The following CHLSN variants were observed in gnomAD, a reference collection of about 807,000 sequenced individuals.
CHLSN encodes the protein protein cholesin.
At chr7:1,091,683 T>A in the CHLSN span, 1,113 of 1,348,528 alleles carry the variant, frequency 8.3e-4, no homozygotes, top group Non-Finnish European at 1.0e-3. Flanking sequence ...AAAACAGAGC[T>A]CTGGGAGCCT....
chr7:1,040,997 G>C, the CHLSN span, among the ~76,000 whole-genome samples: 8 of 152,250 alleles, frequency 5.3e-5, no homozygotes, highest in Non-Finnish European at 1.2e-4. Flanking sequence ...CGAAGCCAGA[G>C]GCTCGGCAGT....
the CHLSN span, among the ~76,000 whole-genome samples, chr7:1,088,697 C>T: frequency 6.6e-6 from 1 of 152,296 alleles, no homozygotes; most frequent in East Asian, 1.9e-4. The surrounding 1 kb of genome is among the most constrained non-coding windows in gnomAD (Gnocchi z 4.5). Context: ...CCTGGGAGGG[C>T]CACACGCCTT....
chr7:994,091 C>T, the CHLSN span, among the ~76,000 whole-genome samples: 1 of 152,206 alleles, frequency 6.6e-6, no homozygotes, highest in Non-Finnish European at 1.5e-5. Flanking sequence ...TGCTCACCCC[C>T]ACAGGCAATG....
At chr7:1,058,506 G>A in the CHLSN span, 2 of 779,420 alleles carry the variant, frequency 2.6e-6, no homozygotes, top group South Asian at 1.3e-5. Context: ...GGTGCAGCAG[G>A]TGCTGGCGTA....
chr7:1,030,399 G>A, the CHLSN span, among the ~76,000 whole-genome samples: 13 of 152,318 alleles, frequency 8.5e-5, no homozygotes, highest in African/African-American at 2.2e-4. Context: ...GAGCAGGAGC[G>A]GGAGAAGCTG....
the CHLSN span, chr7:987,175 CG>C: frequency 1.9e-6 from 3 of 1,566,292 alleles, no homozygotes; most frequent in African/African-American, 4.1e-5. Flanking sequence ...TGGTCATGGC[CG>C]GGACGGAGAC....
the CHLSN span, among the ~76,000 whole-genome samples, chr7:1,097,688 CATT>C: frequency 1.3e-5 from 2 of 152,120 alleles, no homozygotes; most frequent in Non-Finnish European, 2.9e-5. This position sits in a 1 kb window ranked among gnomAD's most constrained non-coding sequence, Gnocchi z 4.3. Context: ...ACGGATGGCT[CATT>C]AGTGCTCGGG....
chr7:1,010,690 G>A, the CHLSN span, among the ~76,000 whole-genome samples: 2 of 152,136 alleles, frequency 1.3e-5, no homozygotes, highest in Non-Finnish European at 2.9e-5. Context: ...GGCCCGCTGT[G>A]ACAATGTGTC....
chr7:1,093,722 G>C, the CHLSN span: 1 of 465,442 alleles, frequency 2.1e-6, no homozygotes, highest in South Asian at 1.6e-5. Flanking sequence ...CAACTGCGGT[G>C]ATGATGTAAA....
the CHLSN span, among the ~76,000 whole-genome samples, chr7:1,072,184 G>T: frequency 1.3e-5 from 2 of 152,184 alleles, no homozygotes; most frequent in South Asian, 2.1e-4. Flanking sequence ...CATGGTCCTG[G>T]AGCCGTAAGC....
At chr7:1,100,732 C>G in the CHLSN span, among the ~76,000 whole-genome samples, 1 of 152,106 alleles carries the variant, frequency 6.6e-6, no homozygotes, top group Non-Finnish European at 1.5e-5. Context: ...TCCCCTCTGC[C>G]TCCCTGCCTC....
the CHLSN span, chr7:1,080,910 A>G: frequency 6.6e-6 from 1 of 152,388 alleles, no homozygotes; most frequent in Non-Finnish European, 1.5e-5. Flanking sequence ...ACTCTGCATG[A>G]ACTGCCTTTG....
chr7:1,018,832 T>C, the CHLSN span, among the ~76,000 whole-genome samples: 1 of 149,784 alleles, frequency 6.7e-6, no homozygotes, highest in African/African-American at 2.5e-5. Context: ...ACCTCGGGGG[T>C]GGGTGATAGG....
chr7:1,040,820 C>A, the CHLSN span, among the ~76,000 whole-genome samples: 1 of 152,156 alleles, frequency 6.6e-6, no homozygotes, highest in Admixed American at 6.5e-5. Context: ...ACAAACCACA[C>A]ATACACAAAA....
the CHLSN span, among the ~76,000 whole-genome samples, chr7:1,006,926 C>A: frequency 2.0e-5 from 3 of 152,202 alleles, no homozygotes; most frequent in South Asian, 2.1e-4. Context: ...AGAAGATGAA[C>A]CCTTGAGATG....
the CHLSN span, among the ~76,000 whole-genome samples, chr7:1,008,874 C>T: frequency 2.1e-5 from 3 of 141,764 alleles, no homozygotes; most frequent in Non-Finnish European, 3.0e-5. Context: ...CACACGTGTA[C>T]GCAACACTCG....
chr7:1,025,251 T>G, the CHLSN span: 2 of 152,286 alleles, frequency 1.3e-5, no homozygotes, highest in African/African-American at 4.8e-5. Flanking sequence ...GAGTGGCGGC[T>G]GCTAAGAGCA....
the CHLSN span, among the ~76,000 whole-genome samples, chr7:1,070,388 C>T: frequency 6.9e-6 from 1 of 144,930 alleles, no homozygotes; most frequent in South Asian, 2.3e-4. Context: ...CCAGCCGCCC[C>T]GTCCGGGAGG....
At chr7:1,070,852 G>A in the CHLSN span, among the ~76,000 whole-genome samples, 4 of 130,006 alleles carry the variant, frequency 3.1e-5, no homozygotes, top group African/African-American at 1.2e-4. Flanking sequence ...GCGTGCACAC[G>A]GACATGCACA....
Sources: allele counts gnomAD v4.1 joint callset (sites outside exome capture counted in the v4.1 genomes callset), GRCh38; gene constraint gnomAD v4.1.1; non-coding constraint Gnocchi (gnomAD v3.1); transcripts MANE v1.5; gene names NCBI Gene and HGNC (gene_info 2026-07-23, HGNC 2026-07-21).